The following FAM81A variants were observed in gnomAD, a reference collection of about 807,000 sequenced individuals.
FAM81A encodes protein FAM81A.
In FAM81A, 19 loss-of-function variants were observed where a neutral mutation model predicts 46.7. The observed-to-expected ratio is 0.41, with a 90% CI of 0.28 to 0.60. The LOEUF (loss-of-function observed/expected upper bound fraction) is 0.60, where lower values mean the gene tolerates loss of function less well. Among genes scored for constraint, FAM81A ranks in the 20% least tolerant of loss-of-function variants. FAM81A has a pLI of 0.34. For missense variants in FAM81A, 377 were observed against 453.5 expected, an observed-to-expected ratio of 0.83 and a Z score of 1.53; for synonymous variants, 183 against 152.9, an observed-to-expected ratio of 1.20 and a Z score of -1.45.
chr15:59,471,946 GTA>G (rs1418732900), intron 3 of FAM81A, among the ~76,000 whole-genome samples: 1 of 152,184 alleles, frequency 6.6e-6, no homozygotes. Context: ...AAATGACTGT[GTA>G]TTTGTTAGTA....
At chr15:59,445,444 C>T (rs533301196) in intron 1 of FAM81A, 1 of 151,978 alleles carries the variant, frequency 6.6e-6, no homozygotes, top group Non-Finnish European at 1.5e-5. Context: ...TTTCTTTTTT[C>T]CCCCATTTTT....
chr15:59,514,578 A>G (rs1331699497), intron 7 of FAM81A, among the ~76,000 whole-genome samples, 154 bp downstream of exon 7: 1 of 152,228 alleles, frequency 6.6e-6, no homozygotes. Flanking sequence ...GATGCTTTGT[A>G]TTCTTCATAA....
At position 59,508,849 on chromosome 15, in the gene FAM81A, G is replaced by T; in HGVS notation, c.544-14G>T. The T allele has an allele frequency of 2.5e-6, 4 of 1,603,882 alleles. No homozygotes were observed. The highest frequency in any genetic ancestry group is 3.4e-6 in the Non-Finnish European group (4 of 1,174,480). ...CGTTAGATGTGATATTTATAAGCAAGATTTCTTTTCCAGATTTCTCAGCTT... is the reference window on the plus strand; with the variant it reads ...CGTTAGATGTGATATTTATAAGCAATATTTCTTTTCCAGATTTCTCAGCTT... On this transcript the variant is annotated splice_polypyrimidine_tract_variant and intron_variant, in intron 5 of 8. Coordinates refer to ENST00000288228, the MANE Select transcript of FAM81A (RefSeq NM_152450.3).
At chr15:59,409,473 C>T (rs1220177895) in intron 2 of FAM81A, among the ~76,000 whole-genome samples, 1 of 152,188 alleles carries the variant, frequency 6.6e-6, no homozygotes, top group Admixed American at 6.5e-5. Context: ...CCCCATTTCT[C>T]TTCTTGGCAG....
intron 4 of FAM81A, among the ~76,000 whole-genome samples, chr15:59,499,015 T>A (rs776545866): frequency 7.2e-5 from 11 of 152,130 alleles, no homozygotes; most frequent in Non-Finnish European, 1.3e-4. Context: ...TTGAGAAAGA[T>A]TTTCTTTTCC....
intron 8 of FAM81A, among the ~76,000 whole-genome samples, chr15:59,518,933 GTGTGTGTGTC>G (rs1292804727): frequency 2.2e-5 from 3 of 135,324 alleles, no homozygotes; most frequent in Non-Finnish European, 1.6e-5. Context: ...AGGTATTTGT[GTGTGTGTGTC>G]TGTGTGTGTG....
At chr15:59,448,195 G>A (rs1249330660) in intron 1 of FAM81A, among the ~76,000 whole-genome samples, 2 of 152,044 alleles carry the variant, frequency 1.3e-5, no homozygotes, top group Non-Finnish European at 2.9e-5. Context: ...TGGACAACAT[G>A]GCGAAACCCC....
At chr15:59,423,161 G>A (rs1401272100) in intron 2 of FAM81A, among the ~76,000 whole-genome samples, 2 of 152,070 alleles carry the variant, frequency 1.3e-5, no homozygotes, top group Admixed American at 1.3e-4. Flanking sequence ...GCAGTGGCGC[G>A]ATCTCGGCTC....
At chr15:59,475,265 C>T (rs2081751594) in intron 3 of FAM81A, among the ~76,000 whole-genome samples, 1 of 152,140 alleles carries the variant, frequency 6.6e-6, no homozygotes, top group Non-Finnish European at 1.5e-5. Flanking sequence ...ATGCCTCAGC[C>T]TCCCAAGTAG....
At chr15:59,516,288 C>T (rs181294365) in intron 7 of FAM81A, among the ~76,000 whole-genome samples, 1 of 152,076 alleles carries the variant, frequency 6.6e-6, no homozygotes. Flanking sequence ...ACCATCCATC[C>T]CTGGCTAATT....
At chr15:59,447,554 T>C (rs2081366149) in intron 1 of FAM81A, among the ~76,000 whole-genome samples, 1 of 152,232 alleles carries the variant, frequency 6.6e-6, no homozygotes, top group Non-Finnish European at 1.5e-5. Flanking sequence ...AGGCACTTCC[T>C]CAATTGGGAC....
chr15:59,479,764 C>T (rs1212680311), intron 3 of FAM81A, among the ~76,000 whole-genome samples: 7 of 151,760 alleles, frequency 4.6e-5, no homozygotes, highest in African/African-American at 1.7e-4. Flanking sequence ...AAGGGCAGCC[C>T]GTGAGACTTG....
chr15:59,440,396 C>A (rs1356771825), intron 1 of FAM81A, among the ~76,000 whole-genome samples: 1 of 152,106 alleles, frequency 6.6e-6, no homozygotes, highest in Non-Finnish European at 1.5e-5. Flanking sequence ...GATGTACACC[C>A]AGGTACAGTG....
At chr15:59,519,549 CCTTT>C (rs2082305792) in intron 8 of FAM81A, among the ~76,000 whole-genome samples, 1 of 144,282 alleles carries the variant, frequency 6.9e-6, no homozygotes, top group Non-Finnish European at 1.5e-5. Context: ...TTTCTTTCTT[CCTTT>C]CTTTCCTTTC....
intron 1 of FAM81A, among the ~76,000 whole-genome samples, chr15:59,441,020 A>G (rs1241221721): frequency 3.3e-5 from 5 of 152,156 alleles, no homozygotes; most frequent in Non-Finnish European, 7.4e-5. Context: ...TACCTTCCTC[A>G]AGGCCCCCAA....
rs2082159624 is a variant in FAM81A at position 59,507,285 on chromosome 15, A to G, written c.486A>G (p.Lys162=). The stretch of plus-strand genomic sequence containing the variant: ...ATGAGGGGCTCCAGCACTTGAACAA[A>G]GAACAGCAGGCTGCCAAACTTATCT... ...TTYEGLQHLN[K]EQQAAKLILE... The change falls in exon 5 of 9, where the codon AAA becomes AAG. Residue 162 remains lysine (K), a synonymous_variant. Transcript: ENST00000288228. The G allele has an allele frequency of 1.2e-6, 2 of 1,612,330 alleles. No homozygotes were observed. The highest frequency in any genetic ancestry group is 2.2e-5 in the East Asian group (1 of 44,870).
intron 1 of FAM81A, among the ~76,000 whole-genome samples, chr15:59,456,838 T>G (rs1221752480): frequency 6.6e-6 from 1 of 152,130 alleles, no homozygotes; most frequent in African/African-American, 2.4e-5. Context: ...ATCCTCCAAC[T>G]TTGGCCTCCC....
chr15:59,498,275 C>T (rs952473210), intron 4 of FAM81A, among the ~76,000 whole-genome samples: 1 of 152,082 alleles, frequency 6.6e-6, no homozygotes, highest in Admixed American at 6.5e-5. Context: ...AAATTTATTC[C>T]TAAGTATTTT....
At chr15:59,449,280 T>C (rs565220491) in intron 1 of FAM81A, among the ~76,000 whole-genome samples, 1 of 152,260 alleles carries the variant, frequency 6.6e-6, no homozygotes, top group Admixed American at 6.5e-5. Context: ...CAAGAAGAAG[T>C]AATTTATTTC....
Sources: gnomAD v4.1 joint callset for allele counts (sites outside exome capture counted in the v4.1 genomes callset) on GRCh38, gnomAD v4.1.1 for gene constraint, MANE v1.5 for transcripts, NCBI Gene and HGNC (gene_info 2026-07-23, HGNC 2026-07-21) for gene names.